The following SH2B3 variants were observed in gnomAD, a reference collection of about 807,000 sequenced individuals.
The protein encoded by SH2B3 is SH2B adapter protein 3.
In SH2B3, 43 loss-of-function variants were observed where a neutral mutation model predicts 51.9. That is an observed-to-expected ratio of 0.83 (90% CI 0.65 to 1.07). The LOEUF (loss-of-function observed/expected upper bound fraction) is 1.07. Ranked by LOEUF, SH2B3 falls within the 50% of genes least tolerant of loss-of-function variation. The pLI, the probability that SH2B3 is intolerant of heterozygous loss-of-function variation, is 0.00. For synonymous variants in SH2B3, 396 were observed against 376.0 expected (o/e 1.05, Z -0.62); for missense variants, 952 against 834.3 (o/e 1.14, Z -1.74).
At position 111,448,132 on chromosome 12, in the gene SH2B3, T is replaced by A. The variant is rs1874222910; in HGVS notation, c.1558T>A (p.Ser520Thr). The change falls in exon 8 of 8, where the codon TCA becomes ACA. Residue 520 changes from serine to threonine, a missense_variant. Coordinates refer to ENST00000341259, the MANE Select transcript of SH2B3 (RefSeq NM_005475.3). ...CCCAGAGGGTCTCCCAGGGCGATCC[T>A]CACCCCCCGAGCAGATCTTCCACCT... ...LSPEGLPGRSSPPEQIFHLVP... is the reference protein window; with the variant it reads ...LSPEGLPGRSTPPEQIFHLVP... 3.1e-6 allele frequency: 5 copies of A among 1,613,964 alleles called. No homozygotes were observed. Among genetic ancestry groups the A allele is most frequent in the Non-Finnish European group, 4.2e-6 (5 of 1,180,000 alleles).
At chr12:111,444,327 G>A (rs1392169830) in intron 2 of SH2B3, 1 of 152,224 alleles carries the variant, frequency 6.6e-6, no homozygotes, top group Non-Finnish European at 1.5e-5. Context: ...CTTTGACTTT[G>A]AGATTCCTAG....
At chr12:111,447,599 A>C in intron 6 of SH2B3, 55 bp downstream of exon 6, 2 of 1,610,216 alleles carry the variant, frequency 1.2e-6, no homozygotes, top group Non-Finnish European at 1.7e-6. Context: ...ACCCCTCTCC[A>C]CTGGAGTTCA....
At chr12:111,431,172 G>A (rs1384864208) in intron 2 of SH2B3, among the ~76,000 whole-genome samples, 1 of 152,168 alleles carries the variant, frequency 6.6e-6, no homozygotes, top group Non-Finnish European at 1.5e-5. Flanking sequence ...GAACCACTGG[G>A]TGACAGTGTA....
rs1870325448 is a variant in SH2B3 at position 111,407,294 on chromosome 12, AGCAGAGGCCCCGGCAAGGCAATGTCG to A, written c.-28+1021_-28+1046del. Reference sequence around the variant, plus strand: ...AAGTGAAATCTGGTGGGGGGTTCAGAGCAGAGGCCCCGGCAAGGCAATGTCGGCAAGGCCAGCTTTGGTGGCAGGAG... The same window carrying A: ...AAGTGAAATCTGGTGGGGGGTTCAGAGCAAGGCCAGCTTTGGTGGCAGGAG... On this transcript the variant is annotated intron_variant, in intron 1 of 7. Transcript: ENST00000341259. This position sits in a 1 kb window ranked among gnomAD's most constrained non-coding sequence, Gnocchi z 4.3. 6.6e-6 allele frequency among the ~76,000 whole-genome samples: 1 copy of A among 151,794 alleles called. No individual in the cohort carries two copies. Among genetic ancestry groups the A allele is most frequent in the Non-Finnish European group, 1.5e-5 (1 of 67,942 alleles).
chr12:111,432,985 G>A (rs966965017), intron 2 of SH2B3, among the ~76,000 whole-genome samples: 1 of 152,232 alleles, frequency 6.6e-6, no homozygotes, highest in Non-Finnish European at 1.5e-5. Context: ...AAGTTTTTGT[G>A]TGGATCTGTG....
upstream of SH2B3, among the ~76,000 whole-genome samples, chr12:111,405,036 G>C (rs1047756994): frequency 6.6e-6 from 1 of 152,174 alleles, no homozygotes; most frequent in Non-Finnish European, 1.5e-5. This position sits in a 1 kb window ranked among gnomAD's most constrained non-coding sequence, Gnocchi z 5.4. Flanking sequence ...CCACATGTTG[G>C]GGGAGAGGCT....
intron 2 of SH2B3, among the ~76,000 whole-genome samples, chr12:111,441,070 G>A (rs1873361753): frequency 6.6e-6 from 1 of 152,100 alleles, no homozygotes; most frequent in South Asian, 2.1e-4. Flanking sequence ...TCTATCCTGG[G>A]CAACAGAGAG....
At chr12:111,431,042 CCT>C (rs1221531289) in intron 2 of SH2B3, among the ~76,000 whole-genome samples, 2 of 152,160 alleles carry the variant, frequency 1.3e-5, no homozygotes, top group African/African-American at 4.8e-5. Context: ...GGGGGGGCTT[CCT>C]CTCCCAGTGC....
Position 111,450,350 on chromosome 12 carries a change from C to T in SH2B3, c.*2048C>T, listed in dbSNP as rs1190585250. 1 of 152,248 alleles carries T rather than the reference C, an allele frequency of 6.6e-6. No individual in the cohort carries two copies. The highest frequency in any genetic ancestry group is 1.5e-5 in the Non-Finnish European group (1 of 68,050). The allele number at this position is 152,248 out of a possible 1,614,324, so 9.4% of individuals were successfully genotyped here. A position where few individuals can be genotyped will look rare whatever the true frequency, so the allele number is the denominator to read the frequency against. On this transcript the variant is annotated 3_prime_UTR_variant, in exon 8 of 8. Transcript: ENST00000341259. ...TATTTCCTCAAAGTCAAGCAGCTTT[C>T]TCTGGAAAATGAATGCTAATTAGTG...
chr12:111,447,015 C>T lies in SH2B3; in HGVS notation c.908C>T (p.Ser303Leu), dbSNP rs1381073579. The T allele has an allele frequency of 1.5e-5, 25 of 1,613,852 alleles. No homozygotes were observed. Among genetic ancestry groups the T allele is most frequent in the Non-Finnish European group, 1.9e-5 (22 of 1,179,886 alleles). Residue 303 changes from serine (S) to leucine (L), a missense_variant, in exon 4 of 8, where the codon TCG becomes TTG. Physicochemically the swap from Ser to Leu is moderately radical, Grantham distance 145. Coordinates refer to ENST00000341259, the MANE Select transcript of SH2B3 (RefSeq NM_005475.3). The part of the protein sequence containing the change: ...QQLNSWMAEL[S>L]ECTGRGLEST... ...CTGAATTCATGGATGGCTGAGCTCT[C>T]GGAGTGCACAGGCCGAGGGTGAGGT...
Position 111,418,991 on chromosome 12 carries a change from TC to T in SH2B3, c.732+116del. ...CTTTCCAGCTGGTGGCCACAGAGTG[TC>T]CAGAGGGAACTAGGCCCTCTTAAAA... On this transcript the variant is annotated intron_variant, in intron 2 of 7. Transcript: ENST00000341259. This position sits in a 1 kb window ranked among gnomAD's most constrained non-coding sequence, Gnocchi z 6.7. 1 of 1,038,914 alleles carries T rather than the reference TC, an allele frequency of 9.6e-7. No homozygotes were observed. Among genetic ancestry groups the T allele is most frequent in the Non-Finnish European group, 1.3e-6 (1 of 781,910 alleles). The allele number at this position is 1,038,914 out of a possible 1,614,324, so 64.4% of individuals were successfully genotyped here.
chr12:111,441,958 GT>G (rs1347386710), intron 2 of SH2B3, among the ~76,000 whole-genome samples: 4 of 151,706 alleles, frequency 2.6e-5, no homozygotes, highest in African/African-American at 9.7e-5. Context: ...TTAAGACAGG[GT>G]CTCACTCTGT....
At chr12:111,433,578 C>T (rs986888662) in intron 2 of SH2B3, among the ~76,000 whole-genome samples, 1 of 151,900 alleles carries the variant, frequency 6.6e-6, no homozygotes, top group Non-Finnish European at 1.5e-5. Context: ...TTGTTTTAAA[C>T]GGGGTCTTGT....
intron 2 of SH2B3, among the ~76,000 whole-genome samples, chr12:111,440,180 C>T (rs1268546796): frequency 6.6e-6 from 1 of 152,236 alleles, no homozygotes; most frequent in African/African-American, 2.4e-5. Flanking sequence ...GTCATAGAAG[C>T]ACCCTGTGCT....
chr12:111,419,869 CAT>C (rs1343035383), intron 2 of SH2B3, among the ~76,000 whole-genome samples: 4 of 152,246 alleles, frequency 2.6e-5, no homozygotes, highest in Non-Finnish European at 4.4e-5. Flanking sequence ...CAGGATACCA[CAT>C]GAGGTTTAGT....
intron 2 of SH2B3, among the ~76,000 whole-genome samples, chr12:111,421,401 CTTTTTTTTT>C (rs550860498): frequency 3.3e-5 from 3 of 90,618 alleles, no homozygotes; most frequent in South Asian, 3.8e-4. Flanking sequence ...TAGTGTCTTC[CTTTTTTTTT>C]TTTTTTTTTT....
At chr12:111,445,210 GCCTATAT>G (rs1263004451) in intron 2 of SH2B3, among the ~76,000 whole-genome samples, 4 of 152,182 alleles carry the variant, frequency 2.6e-5, no homozygotes, top group African/African-American at 9.7e-5. Flanking sequence ...TCCAGGCCTG[GCCTATAT>G]CCTCCCAGTG....
chr12:111,426,673 C>A (rs528106458), intron 2 of SH2B3, among the ~76,000 whole-genome samples: 2 of 152,294 alleles, frequency 1.3e-5, no homozygotes, highest in East Asian at 3.9e-4. Context: ...CAGCACCTTT[C>A]TTTGGGGTGT....
rs1260069482 is a variant in SH2B3, at chr12:111,407,055, C to T, written c.-28+778C>T. Among the ~76,000 whole-genome samples, 1 of 152,184 alleles carries T rather than the reference C, an allele frequency of 6.6e-6. No individual in the cohort carries two copies. Among genetic ancestry groups the T allele is most frequent in the African/African-American group, 2.4e-5 (1 of 41,444 alleles). ...TCCCCTTCCCTCCCTTCCCTCCCTC[C>T]GGCCAGGGGAGCTTTGTTTTGAGGG... On this transcript the variant is annotated intron_variant, in intron 1 of 7. Transcript: ENST00000341259. The surrounding 1 kb of genome is among the most constrained non-coding windows in gnomAD (Gnocchi z 4.3).
Sources: gnomAD v4.1 joint callset for allele counts (sites outside exome capture counted in the v4.1 genomes callset) on GRCh38, gnomAD v4.1.1 for gene constraint, Gnocchi (gnomAD v3.1) non-coding constraint, MANE v1.5 for transcripts, NCBI Gene and HGNC (gene_info 2026-07-23, HGNC 2026-07-21) for gene names.